The following ANKRD44 variants were observed in gnomAD, a reference collection of about 807,000 sequenced individuals.
The protein encoded by ANKRD44 is serine/threonine-protein phosphatase 6 regulatory ankyrin repeat subunit B.
ANKRD44 carries 35 observed loss-of-function variants against 116.0 expected under a neutral mutation model. The ratio of observed to expected loss-of-function variants is 0.30; its 90% CI spans 0.23 to 0.40. The LOEUF is 0.40. Among genes scored for constraint, ANKRD44 ranks in the 10% least tolerant of loss-of-function variants. The pLI is 1.00. For synonymous variants in ANKRD44, 435 were observed against 461.8 expected (o/e 0.94, Z 0.74); for missense variants, 1,014 against 1,242.6 (o/e 0.82, Z 2.77).
chr2:197,192,965 T>C (rs2125626813), intron 1 of ANKRD44, among the ~76,000 whole-genome samples: 1 of 152,262 alleles, frequency 6.6e-6, no homozygotes, highest in Non-Finnish European at 1.5e-5. Flanking sequence ...GCAGAGTAAA[T>C]ATATATAATA....
chr2:197,283,202 C>A (rs1312637671), intron 1 of ANKRD44, among the ~76,000 whole-genome samples: 2 of 152,132 alleles, frequency 1.3e-5, no homozygotes, highest in African/African-American at 4.8e-5. Flanking sequence ...AGTTTGGTTA[C>A]CCTTGTCCAG....
intron 2 of ANKRD44, among the ~76,000 whole-genome samples, chr2:197,181,156 C>CA (rs2080494777): frequency 6.6e-6 from 1 of 152,072 alleles, no homozygotes. Flanking sequence ...AGAGAGTAAG[C>CA]AAAATACACC....
chr2:197,213,835 T>TTCTC (rs2081379367), intron 1 of ANKRD44, among the ~76,000 whole-genome samples: 1 of 152,026 alleles, frequency 6.6e-6, no homozygotes, highest in Admixed American at 6.6e-5. Flanking sequence ...TTAGAACTCT[T>TTCTC]TCTCTTTTTA....
At chr2:197,273,126 C>A (rs1007291425) in intron 1 of ANKRD44, among the ~76,000 whole-genome samples, 2 of 152,072 alleles carry the variant, frequency 1.3e-5, no homozygotes, top group Non-Finnish European at 2.9e-5. Context: ...CTCAAAGGCC[C>A]GAGGCCCAAG....
At chr2:196,982,360 A>G (rs1027109016), downstream of ANKRD44, among the ~76,000 whole-genome samples, 1 of 152,066 alleles carries the variant, frequency 6.6e-6, no homozygotes, top group African/African-American at 2.4e-5. Context: ...GGCAGGTGGC[A>G]GCAACTGCTA....
rs189257471 is a variant in ANKRD44, at chr2:197,067,364, T to C, written c.1650+11339A>G. ...AACCTAGGCAATGCCATTCAGGACATAGGCCTGGGCAAGGACTTCATGTCT... is the reference window on the plus strand; with the variant it reads ...AACCTAGGCAATGCCATTCAGGACACAGGCCTGGGCAAGGACTTCATGTCT... On this transcript the variant is annotated intron_variant, in intron 16 of 27. Transcript: ENST00000282272. 7.5e-3 allele frequency among the ~76,000 whole-genome samples: 1,146 copies of C among 152,276 alleles called. 16 individuals are homozygous for C. Among genetic ancestry groups the C allele is most frequent in the African/African-American group, 0.026 (1,079 of 41,542 alleles).
chr2:197,129,369 C>T (rs2079048151), intron 4 of ANKRD44, among the ~76,000 whole-genome samples: 1 of 152,082 alleles, frequency 6.6e-6, no homozygotes, highest in Non-Finnish European at 1.5e-5. Context: ...CTCCTGACCT[C>T]AGTGATCCGC....
At chr2:197,154,894 T>C (rs2712877) in intron 2 of ANKRD44, among the ~76,000 whole-genome samples, 139,185 of 152,156 alleles carry the variant, frequency 0.91, 64,861 homozygotes, top group East Asian at 1. Context: ...TGTAACCCAT[T>C]CATTTGAATG....
chr2:197,084,188 A>G (rs190096824), intron 13 of ANKRD44, among the ~76,000 whole-genome samples: 2 of 152,210 alleles, frequency 1.3e-5, no homozygotes, highest in Admixed American at 6.5e-5. Context: ...TTGATGGGGT[A>G]TCTCTCTCCC....
chr2:197,007,767 A>C, intron 20 of ANKRD44, 39 bp downstream of exon 20: 4 of 1,348,144 alleles, frequency 3.0e-6, no homozygotes, highest in East Asian at 4.6e-5. Context: ...AAGCTCATTA[A>C]AAAAATTGCT....
chr2:197,199,170 T>C (rs1238976468), intron 1 of ANKRD44: 1 of 152,084 alleles, frequency 6.6e-6, no homozygotes, highest in Non-Finnish European at 1.5e-5. Context: ...CTTCACAGTT[T>C]AGGTTTTGGT....
chr2:197,145,426 G>A (rs529723993), intron 3 of ANKRD44, among the ~76,000 whole-genome samples: 100 of 152,006 alleles, frequency 6.6e-4, no homozygotes, highest in African/African-American at 2.4e-3. Context: ...AATTTTCCAC[G>A]GGCCAAATTG....
At chr2:197,161,527 TCTC>T (rs780486446) in intron 2 of ANKRD44, among the ~76,000 whole-genome samples, 29 of 152,172 alleles carry the variant, frequency 1.9e-4, no homozygotes, top group Non-Finnish European at 4.0e-4. Context: ...AATAGAGTCT[TCTC>T]CTACAAAAAT....
intron 6 of ANKRD44, among the ~76,000 whole-genome samples, chr2:197,123,046 G>T (rs1172730814): frequency 6.6e-6 from 1 of 152,202 alleles, no homozygotes; most frequent in African/African-American, 2.4e-5. Context: ...TCTAGGTGAT[G>T]CTTGTTACCA....
Position 197,151,805 on chromosome 2 carries a change from G to T in ANKRD44, c.112-4700C>A, listed in dbSNP as rs576126478. On this transcript the variant is annotated intron_variant, in intron 2 of 27. Transcript: ENST00000282272. ...ATATTAGAATAAAAACAATAGCAGG[G>T]AAGTGGCAAATAGTGATATCCATGA... is the stretch of plus-strand genomic sequence containing the variant. Among the ~76,000 whole-genome samples the T allele has an allele frequency of 2.6e-5, 4 of 152,314 alleles. No individual in the cohort carries two copies. In the South Asian group the frequency reaches 8.3e-4, roughly 32 times the overall value.
At chr2:197,271,599 C>G (rs964472255) in intron 1 of ANKRD44, among the ~76,000 whole-genome samples, 2 of 152,182 alleles carry the variant, frequency 1.3e-5, no homozygotes, top group South Asian at 2.1e-4. Context: ...AATTCACAAT[C>G]CACTAATGCA....
At chr2:197,103,081 T>C (rs988864655) in intron 9 of ANKRD44, among the ~76,000 whole-genome samples, 2 of 151,992 alleles carry the variant, frequency 1.3e-5, no homozygotes, top group African/African-American at 4.8e-5. Flanking sequence ...CACAAAAAAT[T>C]AGCCGGCATG....
intron 27 of ANKRD44, chr2:196,990,763 C>G: frequency 1.6e-6 from 2 of 1,232,174 alleles, no homozygotes; most frequent in Non-Finnish European, 2.0e-6. Context: ...ACCATGCTAC[C>G]CAGATTGGAG....
At chr2:196,980,346 CAGTA>C (rs1433475022) in intron 21 of ANKRD44, among the ~76,000 whole-genome samples, 2 of 151,912 alleles carry the variant, frequency 1.3e-5, no homozygotes, top group African/African-American at 4.8e-5. Flanking sequence ...AATAATAAAA[CAGTA>C]AGGAGTAAAT....
Sources: gnomAD v4.1 joint callset for allele counts (sites outside exome capture counted in the v4.1 genomes callset) on GRCh38, gnomAD v4.1.1 for gene constraint, MANE v1.5 for transcripts, NCBI Gene and HGNC (gene_info 2026-07-23, HGNC 2026-07-21) for gene names.